The following MTSS1 variants were observed in gnomAD, a reference collection of about 807,000 sequenced individuals.
MTSS1 encodes protein MTSS 1.
MTSS1 carries 18 observed loss-of-function variants against 79.0 expected under a neutral mutation model. The observed-to-expected ratio is 0.23, with a 90% CI of 0.16 to 0.34. The LOEUF (loss-of-function observed/expected upper bound fraction) is 0.34. MTSS1 is among the 10% of genes least tolerant of loss of function. The pLI, the probability that MTSS1 is intolerant of heterozygous loss-of-function variation, is 1.00. For synonymous variants in MTSS1, 341 were observed against 368.6 expected (o/e 0.93, Z 0.86); for missense variants, 815 against 986.2 (o/e 0.83, Z 2.33).
chr8:124,556,608 TC>T, intron 11 of MTSS1: 1 of 600,802 alleles, frequency 1.7e-6, no homozygotes, highest in Non-Finnish European at 2.8e-6. Context: ...CCTGTGTACC[TC>T]CCTTTTCCTC....
chr8:124,660,361 G>A (rs1030540651), intron 3 of MTSS1, among the ~76,000 whole-genome samples: 2 of 151,784 alleles, frequency 1.3e-5, no homozygotes, highest in African/African-American at 2.4e-5. Flanking sequence ...GAGGGTGGGG[G>A]CAAGGAACGA....
At chr8:124,579,067 C>T (rs954023420) in intron 6 of MTSS1, among the ~76,000 whole-genome samples, 2 of 152,158 alleles carry the variant, frequency 1.3e-5, no homozygotes, top group Non-Finnish European at 2.9e-5. Flanking sequence ...AGAGATTTCT[C>T]TTTGAAAGAT....
chr8:124,652,457 T>C (rs1014658705), intron 3 of MTSS1, among the ~76,000 whole-genome samples: 2 of 151,322 alleles, frequency 1.3e-5, no homozygotes, highest in African/African-American at 4.8e-5. Flanking sequence ...TGAGCCACCA[T>C]GCCCAGCCGA....
intron 3 of MTSS1, among the ~76,000 whole-genome samples, chr8:124,692,336 A>G (rs1828073364): frequency 6.6e-6 from 1 of 151,900 alleles, no homozygotes; most frequent in African/African-American, 2.4e-5. Context: ...AAAGTATCAT[A>G]TGTGCCCCCA....
At chr8:124,669,426 A>G (rs1405428438) in intron 3 of MTSS1, among the ~76,000 whole-genome samples, 1 of 152,216 alleles carries the variant, frequency 6.6e-6, no homozygotes, top group African/African-American at 2.4e-5. Context: ...AGCTCACTCC[A>G]AACATGAAAT....
intron 10 of MTSS1, 47 bp from the exon 11 acceptor site, chr8:124,557,922 T>G: frequency 7.0e-7 from 1 of 1,428,378 alleles, no homozygotes; most frequent in Non-Finnish European, 9.6e-7. Context: ...AAAATTAATA[T>G]AACAGGATGA....
chr8:124,655,541 A>G (rs1820786217), intron 3 of MTSS1, among the ~76,000 whole-genome samples: 1 of 152,238 alleles, frequency 6.6e-6, no homozygotes, highest in Admixed American at 6.5e-5. Context: ...GCACCACGCC[A>G]TGCGCAGGAG....
At chr8:124,717,263 G>A (rs12548395) in intron 1 of MTSS1, among the ~76,000 whole-genome samples, 10,620 of 152,102 alleles carry the variant, frequency 0.07, 429 homozygotes, top group Admixed American at 0.14. Context: ...AGGCCAAGGC[G>A]GGCAGATCAC....
Position 124,553,581 on chromosome 8 carries a change from C to T in MTSS1, c.1679G>A (p.Arg560Gln), listed in dbSNP as rs752756523. 27 of 1,614,008 alleles carry T rather than the reference C, an allele frequency of 1.7e-5. No homozygotes were observed. Among genetic ancestry groups the T allele is most frequent in the East Asian group, 6.7e-5 (3 of 44,882 alleles). The change falls in exon 14 of 14, where the codon CGG becomes CAG. Residue 560 changes from arginine (R) to glutamine (Q), a missense_variant. Transcript: ENST00000518547. This position sits in a 1 kb window ranked among gnomAD's most constrained non-coding sequence, Gnocchi z 6.0. Reference protein sequence around the residue: ...RNSDISQSYRRMFQAKRPAST... With the variant: ...RNSDISQSYRQMFQAKRPAST... Reference sequence around the variant, plus strand: ...GGCTGGACGCTTGGCTTGGAACATCCGTCGGTAGGACTGGCTGATGTCGCT... The same window carrying T: ...GGCTGGACGCTTGGCTTGGAACATCTGTCGGTAGGACTGGCTGATGTCGCT...
At chr8:124,571,736 C>G (rs560462643) in intron 6 of MTSS1, among the ~76,000 whole-genome samples, 1 of 152,166 alleles carries the variant, frequency 6.6e-6, no homozygotes. Flanking sequence ...GAGGCCGCGG[C>G]GGGCGGATCA....
At chr8:124,697,877 T>C (rs1829103136) in intron 3 of MTSS1, among the ~76,000 whole-genome samples, 1 of 152,212 alleles carries the variant, frequency 6.6e-6, no homozygotes, top group Non-Finnish European at 1.5e-5. Context: ...CTGTGTCACA[T>C]TCTCCAAGGG....
In MTSS1 at chr8:124,555,827, GCTC is replaced by G; in HGVS notation, c.1479_1481del (p.Arg493del). On this transcript the variant is annotated inframe_deletion, in exon 13 of 14. Coordinates refer to ENST00000518547, the MANE Select transcript of MTSS1 (RefSeq NM_014751.6). ...TGGAGCACTGAAGCGAGTCCCGGCT[GCTC>G]CTCTGGGTGTCCAGCTGCAGGCCCC... 6.2e-7 allele frequency: 1 copy of G among 1,613,548 alleles called. No individual in the cohort carries two copies. Among genetic ancestry groups the G allele is most frequent in the Non-Finnish European group, 8.5e-7 (1 of 1,179,936 alleles).
intron 3 of MTSS1, among the ~76,000 whole-genome samples, chr8:124,660,694 G>T (rs1383360452): frequency 6.6e-6 from 1 of 152,172 alleles, no homozygotes; most frequent in Non-Finnish European, 1.5e-5. Context: ...ATATTTCTAC[G>T]AAGCTTGTTC....
intron 6 of MTSS1, among the ~76,000 whole-genome samples, chr8:124,584,369 C>T (rs1830504632): frequency 1.3e-5 from 2 of 152,250 alleles, no homozygotes; most frequent in Non-Finnish European, 2.9e-5. Context: ...GGAATGTCAC[C>T]TTCTCTAGCT....
chr8:124,671,425 T>C (rs1824194161), intron 3 of MTSS1, among the ~76,000 whole-genome samples: 1 of 152,148 alleles, frequency 6.6e-6, no homozygotes, highest in Non-Finnish European at 1.5e-5. Flanking sequence ...TGCCAAGTCC[T>C]CAAGGGCCAG....
chr8:124,559,138 C>G (rs1316204265), intron 10 of MTSS1, among the ~76,000 whole-genome samples: 5 of 152,136 alleles, frequency 3.3e-5, no homozygotes. Context: ...TTGCTGGGAC[C>G]CAGAAGCATG....
chr8:124,678,553 G>C (rs1180784921), intron 3 of MTSS1, among the ~76,000 whole-genome samples: 1 of 152,210 alleles, frequency 6.6e-6, no homozygotes, highest in African/African-American at 2.4e-5. Flanking sequence ...AGCGTGTACA[G>C]AGGAACTGCC....
rs1831820511 is a variant in MTSS1 at position 124,591,189 on chromosome 8, C to T, written c.255G>A (p.Arg85=). 2 of 1,614,116 alleles carry T rather than the reference C, an allele frequency of 1.2e-6. No homozygotes were observed. Among genetic ancestry groups the T allele is most frequent in the African/African-American group, 2.7e-5 (2 of 74,942 alleles). The change falls in exon 4 of 14, where the codon AGG becomes AGA. Residue 85 remains arginine (R), a synonymous_variant. Coordinates refer to ENST00000518547, the MANE Select transcript of MTSS1 (RefSeq NM_014751.6). ...TCAGCTTGGCTTCAATGCTTCTGTG[C>T]CTCATGCACATCCTGGTGAGAGCAG... ...IGSALTRMCM[R]HRSIEAKLRQ... is the part of the protein sequence containing the mutation.
intron 5 of MTSS1, among the ~76,000 whole-genome samples, chr8:124,586,042 C>T (rs1322279893): frequency 6.6e-6 from 1 of 152,154 alleles, no homozygotes; most frequent in Admixed American, 6.5e-5. Context: ...CCCTGCCAAG[C>T]ACTTCCTCCT....
Sources: allele counts gnomAD v4.1 joint callset (sites outside exome capture counted in the v4.1 genomes callset), GRCh38; gene constraint gnomAD v4.1.1; non-coding constraint Gnocchi (gnomAD v3.1); transcripts MANE v1.5; gene names NCBI Gene and HGNC (gene_info 2026-07-23, HGNC 2026-07-21).